Variants in IL1RAPL2 observed in about 807,000 individuals in gnomAD.
IL1RAPL2 encodes interleukin 1 receptor accessory protein like 2, also known as X-linked interleukin-1 receptor accessory protein-like 2.
A neutral mutation model predicts 44.1 loss-of-function variants in IL1RAPL2; 3 were observed. The ratio of observed to expected loss-of-function variants is 0.07; its 90% confidence interval spans 0.03 to 0.18. The LOEUF (loss-of-function observed/expected upper bound fraction) is 0.18, where lower values mean the gene tolerates loss of function less well. Among genes scored for constraint, IL1RAPL2 ranks in the 10% least tolerant of loss-of-function variants. The pLI is 1.00. For synonymous variants in IL1RAPL2, 181 were observed against 178.8 expected, an observed-to-expected ratio of 1.01 and a Z score of -0.10; for missense variants, 391 against 496.4, an observed-to-expected ratio of 0.79 and a Z score of 2.02.
intron 5 of IL1RAPL2, among the ~76,000 whole-genome samples, chrX:105,394,017 T>C (rs2035545236): frequency 1.8e-5 from 2 of 112,210 alleles, no homozygotes; most frequent in Admixed American, 1.9e-4. Flanking sequence ...TTGATCATTT[T>C]AGCAATTGAG....
chrX:104,770,665 C>T (rs1390849636), intron 2 of IL1RAPL2, among the ~76,000 whole-genome samples: 2 of 111,991 alleles, frequency 1.8e-5, no homozygotes, highest in Admixed American at 1.9e-4. Flanking sequence ...AGTCTGACTC[C>T]AAAACCTGTG....
intron 5 of IL1RAPL2, among the ~76,000 whole-genome samples, chrX:105,466,889 T>C (rs1173449875): frequency 9.0e-6 from 1 of 111,693 alleles, no homozygotes; most frequent in African/African-American, 3.3e-5. Flanking sequence ...GGAAACAAGG[T>C]GGTGCAGGGC....
chrX:105,074,483 C>T (rs947910968), intron 2 of IL1RAPL2, among the ~76,000 whole-genome samples: 2 of 111,210 alleles, frequency 1.8e-5, no homozygotes, highest in Admixed American at 1.9e-4. Context: ...GTGATACCTC[C>T]GGCTTTGTTC....
At chrX:104,883,530 G>A (rs748453983) in intron 2 of IL1RAPL2, among the ~76,000 whole-genome samples, 2 of 111,329 alleles carry the variant, frequency 1.8e-5, no homozygotes, top group Non-Finnish European at 3.8e-5. Context: ...AGCGAGACTC[G>A]CCCATCTATT....
chrX:105,005,396 G>A (rs1421344544), intron 2 of IL1RAPL2, among the ~76,000 whole-genome samples: 1 of 111,257 alleles, frequency 9.0e-6, no homozygotes, highest in Non-Finnish European at 1.9e-5. Context: ...GACCAACAAC[G>A]TGGGCATCAC....
At chrX:104,608,662 C>CTTTTTTT (rs60105376) in intron 1 of IL1RAPL2, among the ~76,000 whole-genome samples, 3 of 58,545 alleles carry the variant, frequency 5.1e-5, no homozygotes, top group Non-Finnish European at 8.7e-5. Context: ...GCAACCCCTG[C>CTTTTTTT]TTTTTTTTTT....
At chrX:105,393,803 A>G (rs189052364) in intron 5 of IL1RAPL2, among the ~76,000 whole-genome samples, 6 of 111,609 alleles carry the variant, frequency 5.4e-5, no homozygotes, top group Non-Finnish European at 7.5e-5. Flanking sequence ...AAAAAAATAC[A>G]TATTACTATG....
At chrX:104,855,680 C>CTTTTTTTTT (rs1304044009) in intron 2 of IL1RAPL2, among the ~76,000 whole-genome samples, 1 of 53,778 alleles carries the variant, frequency 1.9e-5, no homozygotes, top group African/African-American at 6.3e-5. Flanking sequence ...GATCTGGATC[C>CTTTTTTTTT]GTTTTTTTTT....
chrX:105,218,689 C>T (rs1335474396), intron 3 of IL1RAPL2, among the ~76,000 whole-genome samples: 1 of 109,849 alleles, frequency 9.1e-6, no homozygotes, highest in Non-Finnish European at 1.9e-5. Context: ...ATGTCTGTCT[C>T]CATGTGTCTC....
At chrX:104,629,979 CT>C (rs1023877325) in intron 1 of IL1RAPL2, among the ~76,000 whole-genome samples, 1 of 110,545 alleles carries the variant, frequency 9.0e-6, no homozygotes, top group Non-Finnish European at 1.9e-5. Flanking sequence ...AAGCCTTGTT[CT>C]TTTTTTTGTT....
chrX:105,244,930 A>C (rs1409919596), intron 4 of IL1RAPL2, among the ~76,000 whole-genome samples: 1 of 111,649 alleles, frequency 9.0e-6, no homozygotes, highest in East Asian at 2.8e-4. Context: ...GTTACAGCTC[A>C]GCATTTGTCT....
intron 6 of IL1RAPL2, among the ~76,000 whole-genome samples, chrX:105,640,743 GATAGAT>G (rs55841072): frequency 0.36 from 27,485 of 76,914 alleles, 4,595 homozygotes; most frequent in Middle Eastern, 0.49. Flanking sequence ...TATAGATATA[GATAGAT>G]ATAGATATAG....
intron 2 of IL1RAPL2, among the ~76,000 whole-genome samples, chrX:105,161,092 A>G (rs1209445675): frequency 9.1e-6 from 1 of 110,452 alleles, no homozygotes; most frequent in African/African-American, 3.3e-5. Flanking sequence ...ATAAAAAACA[A>G]TAAGCTGTGC....
chrX:105,028,915 C>G (rs1381050944), intron 2 of IL1RAPL2, among the ~76,000 whole-genome samples: 2 of 110,018 alleles, frequency 1.8e-5, no homozygotes, highest in African/African-American at 6.6e-5. Flanking sequence ...ATACATGCTC[C>G]TGGAGCATGG....
chrX:105,641,636 GACT>G (rs1452497931), intron 6 of IL1RAPL2, among the ~76,000 whole-genome samples: 1 of 111,840 alleles, frequency 8.9e-6, no homozygotes. Flanking sequence ...AGAATCTAAG[GACT>G]TGATGATAGA....
intron 2 of IL1RAPL2, among the ~76,000 whole-genome samples, chrX:104,888,736 G>A (rs774944327): frequency 9.2e-6 from 1 of 109,030 alleles, no homozygotes; most frequent in African/African-American, 3.4e-5. Flanking sequence ...AAAAAAACTG[G>A]GTCTTTACCA....
chrX:104,858,029 C>T (rs1019521990), intron 2 of IL1RAPL2, among the ~76,000 whole-genome samples: 1 of 111,253 alleles, frequency 9.0e-6, no homozygotes, highest in Non-Finnish European at 1.9e-5. Context: ...CGCCAGTACT[C>T]AGTCTTCCCT....
At chrX:104,582,576 CTTTTTCTTTCTTTCTTTCTTTT>C (rs1207042959) in intron 1 of IL1RAPL2, among the ~76,000 whole-genome samples, 3 of 54,505 alleles carry the variant, frequency 5.5e-5, no homozygotes, top group Admixed American at 2.3e-4. Context: ...CTCTTTCTTT[CTTTTTCTTTCTTTCTTTCTTTT>C]TCTTTCTTTC....
intron 5 of IL1RAPL2, among the ~76,000 whole-genome samples, chrX:105,300,781 C>G (rs1355397802): frequency 1.8e-5 from 2 of 111,227 alleles, no homozygotes; most frequent in Non-Finnish European, 3.8e-5. Context: ...AGCTGAGTGG[C>G]AAAGGATCCT....
Sources: allele counts gnomAD v4.1 joint callset (sites outside exome capture counted in the v4.1 genomes callset), GRCh38; gene constraint gnomAD v4.1.1; transcripts MANE v1.5; gene names NCBI Gene and HGNC (gene_info 2026-07-23, HGNC 2026-07-21).